The following SLC39A10 variants were observed in gnomAD, a reference collection of about 807,000 sequenced individuals.
SLC39A10 encodes zinc transporter ZIP10.
In SLC39A10, 13 loss-of-function variants were observed where a neutral mutation model predicts 65.1. That is an observed-to-expected ratio of 0.20 (90% CI 0.13 to 0.32). SLC39A10 has a LOEUF of 0.32. SLC39A10 is among the 10% of genes least tolerant of loss of function. The probability of loss-of-function intolerance (pLI) is 1.00; values close to 1 mark genes in which losing one functional copy is unlikely to be tolerated. For synonymous variants in SLC39A10, 321 were observed against 342.2 expected, an observed-to-expected ratio of 0.94 and a Z score of 0.68; for missense variants, 831 against 1,018.4, an observed-to-expected ratio of 0.82 and a Z score of 2.50.
intron 2 of SLC39A10, among the ~76,000 whole-genome samples, chr2:195,624,034 T>C (rs543561774): frequency 9.9e-5 from 15 of 151,878 alleles, no homozygotes; most frequent in Admixed American, 6.6e-4. Context: ...GGAATAAAAT[T>C]AAGAGAAAGA....
At chr2:195,641,154 G>A (rs1688805015) in intron 2 of SLC39A10, among the ~76,000 whole-genome samples, 1 of 152,208 alleles carries the variant, frequency 6.6e-6, no homozygotes, top group South Asian at 2.1e-4. Flanking sequence ...ACCTTGTGCT[G>A]TGGTGGAAGA....
At chr2:195,617,556 C>T (rs1401224013) in intron 2 of SLC39A10, among the ~76,000 whole-genome samples, 2 of 150,582 alleles carry the variant, frequency 1.3e-5, no homozygotes, top group African/African-American at 4.9e-5. Flanking sequence ...AGAGAGACAC[C>T]GTCTCAAAGA....
intron 2 of SLC39A10, among the ~76,000 whole-genome samples, chr2:195,644,922 A>ATTTATTTT (rs1688882874): frequency 6.6e-6 from 1 of 151,168 alleles, no homozygotes; most frequent in Non-Finnish European, 1.5e-5. Context: ...TTATTTATTT[A>ATTTATTTT]TTTAGAGGCA....
intron 2 of SLC39A10, among the ~76,000 whole-genome samples, chr2:195,647,548 C>G (rs1181255193): frequency 6.6e-6 from 1 of 151,948 alleles, no homozygotes; most frequent in Non-Finnish European, 1.5e-5. Flanking sequence ...CTCTACTACT[C>G]ATCCATAAGT....
intron 2 of SLC39A10, among the ~76,000 whole-genome samples, chr2:195,617,809 G>A (rs559690287): frequency 9.3e-5 from 14 of 150,864 alleles, no homozygotes; most frequent in Admixed American, 2.6e-4. Context: ...GCACAATCTC[G>A]GCGGACTGCA....
chr2:195,641,778 G>T (rs529740083), intron 2 of SLC39A10, among the ~76,000 whole-genome samples: 1 of 146,952 alleles, frequency 6.8e-6, no homozygotes, highest in Non-Finnish European at 1.5e-5. Context: ...TGCAACCTCC[G>T]CCTCCCAGGT....
chr2:195,695,329 A>AG (rs1249103514), intron 3 of SLC39A10, among the ~76,000 whole-genome samples: 3 of 152,096 alleles, frequency 2.0e-5, no homozygotes, highest in Non-Finnish European at 4.4e-5. Flanking sequence ...TTTTGTTCCC[A>AG]GGGGGATTAT....
At chr2:195,648,549 A>C (rs1688971137) in intron 2 of SLC39A10, among the ~76,000 whole-genome samples, 1 of 152,084 alleles carries the variant, frequency 6.6e-6, no homozygotes, top group African/African-American at 2.4e-5. Context: ...ATGGTGGTGC[A>C]TGCCTGTGGT....
At chr2:195,675,683 C>A (rs990295445) in intron 1 of SLC39A10, among the ~76,000 whole-genome samples, 3 of 152,190 alleles carry the variant, frequency 2.0e-5, no homozygotes, top group Non-Finnish European at 4.4e-5. Flanking sequence ...CCACCCACCT[C>A]GGCCTCCCAA....
At chr2:195,711,991 C>T (rs551353941) in intron 5 of SLC39A10, among the ~76,000 whole-genome samples, 82 of 151,822 alleles carry the variant, frequency 5.4e-4, no homozygotes, top group African/African-American at 1.8e-3. Flanking sequence ...CTTACATTAA[C>T]CATTACTTCT....
intron 2 of SLC39A10, among the ~76,000 whole-genome samples, chr2:195,619,966 A>G (rs2105685817): frequency 6.6e-6 from 1 of 152,102 alleles, no homozygotes; most frequent in East Asian, 1.9e-4. Flanking sequence ...TCCATCACCC[A>G]GGCTGGAGTG....
chr2:195,676,881 A>T (rs1465583290), intron 1 of SLC39A10, among the ~76,000 whole-genome samples: 1 of 152,196 alleles, frequency 6.6e-6, no homozygotes, highest in Non-Finnish European at 1.5e-5. Flanking sequence ...TATGTACCTT[A>T]TGCAGTATAT....
In SLC39A10 at chr2:195,688,678, T is replaced by C. The variant is rs547015407; in HGVS notation, c.1216+4772T>C. Among the ~76,000 whole-genome samples, 4 of 152,306 alleles carry C rather than the reference T, an allele frequency of 2.6e-5. No individual in the cohort carries two copies. The East Asian group carries it at 7.7e-4, about 29-fold the overall frequency. On this transcript the variant is annotated intron_variant, in intron 3 of 9. Coordinates refer to ENST00000359634, the MANE Select transcript of SLC39A10 (RefSeq NM_020342.3). ...ATAGTTGCAATCTACAGAAAATATC[T>C]GGAAATTTTCTGATTTATCTGAAAA...
chr2:195,712,559 C>T (rs1231669142), intron 5 of SLC39A10, among the ~76,000 whole-genome samples: 1 of 152,080 alleles, frequency 6.6e-6, no homozygotes, highest in Non-Finnish European at 1.5e-5. Context: ...TAAGCGTCTC[C>T]CAGAGAAAAC....
intron 2 of SLC39A10, among the ~76,000 whole-genome samples, chr2:195,649,722 T>C (rs1688993244): frequency 6.6e-6 from 1 of 152,246 alleles, no homozygotes; most frequent in African/African-American, 2.4e-5. Flanking sequence ...GCCACTTTTT[T>C]CTAATTCCTT....
chr2:195,728,780 C>G lies in SLC39A10; in HGVS notation c.2337+431C>G, dbSNP rs1692331787. Among the ~76,000 whole-genome samples, 1 of 152,040 alleles carries G rather than the reference C, an allele frequency of 6.6e-6. No homozygotes were observed. Among genetic ancestry groups the G allele is most frequent in the Non-Finnish European group, 1.5e-5 (1 of 68,014 alleles). ...AGGATTTATGTAATTTCTCTTATTT[C>G]TAAATTTAGCTTAAAGTTAAATGTA... On this transcript the variant is annotated intron_variant, in intron 9 of 9. Transcript: ENST00000359634. The surrounding 1 kb of genome is among the most constrained non-coding windows in gnomAD (Gnocchi z 4.4).
intron 5 of SLC39A10, 89 bp downstream of exon 5, chr2:195,708,933 T>A (rs1691504736): frequency 2.1e-6 from 2 of 934,604 alleles, no homozygotes; most frequent in Non-Finnish European, 3.1e-6. Flanking sequence ...TTAATTATGA[T>A]GTTGGTGTGT....
intron 2 of SLC39A10, among the ~76,000 whole-genome samples, chr2:195,616,752 C>A (rs914012882): frequency 6.6e-6 from 1 of 150,592 alleles, no homozygotes; most frequent in Non-Finnish European, 1.5e-5. Flanking sequence ...TACAGGCTCC[C>A]GCCACCACGC....
chr2:195,677,587 A>G (rs1574258571), intron 1 of SLC39A10, among the ~76,000 whole-genome samples: 1 of 152,084 alleles, frequency 6.6e-6, no homozygotes, highest in Non-Finnish European at 1.5e-5. Flanking sequence ...TTTTACCTTT[A>G]TATAAGAATT....
Sources: allele counts gnomAD v4.1 joint callset (sites outside exome capture counted in the v4.1 genomes callset), GRCh38; gene constraint gnomAD v4.1.1; non-coding constraint Gnocchi (gnomAD v3.1); transcripts MANE v1.5; gene names NCBI Gene and HGNC (gene_info 2026-07-23, HGNC 2026-07-21).